The following DLGAP2 variants were observed in gnomAD, a reference collection of about 807,000 sequenced individuals.
The protein encoded by DLGAP2 is DLG associated protein 2.
DLGAP2 carries 26 observed loss-of-function variants against 100.3 expected under a neutral mutation model. That is an observed-to-expected ratio of 0.26 (90% confidence interval 0.19 to 0.36). The LOEUF (loss-of-function observed/expected upper bound fraction) is 0.36, where lower values mean the gene tolerates loss of function less well. DLGAP2 is among the 10% of genes least tolerant of loss of function. DLGAP2 has a pLI of 1.00. For missense variants in DLGAP2, 1,858 were observed against 1,453.2 expected (o/e 1.28, Z -4.53); for synonymous variants, 886 against 630.1 (o/e 1.41, Z -6.08).
At chr8:1,093,560 C>G (rs1219264746) in intron 2 of DLGAP2, among the ~76,000 whole-genome samples, 4 of 149,362 alleles carry the variant, frequency 2.7e-5, no homozygotes, top group Non-Finnish European at 4.4e-5. Flanking sequence ...CAGAAACACC[C>G]TCACACCGAC....
intron 2 of DLGAP2, among the ~76,000 whole-genome samples, chr8:1,203,466 C>T (rs1797925604): frequency 6.6e-6 from 1 of 152,154 alleles, no homozygotes; most frequent in Non-Finnish European, 1.5e-5. Context: ...GAGGCCTCCC[C>T]AAAGTGCCTT....
At position 1,334,342 on chromosome 8, in the gene DLGAP2, C is replaced by T. The variant is rs528557535; in HGVS notation, c.106+75459C>T. On this transcript the variant is annotated intron_variant, in intron 3 of 14. Transcript: ENST00000637795. ...TGTGACCCAGCGTTCCTGGCGTCGG[C>T]CCTCATCCACCTGTCACCAACCCAA... 1.1e-4 allele frequency among the ~76,000 whole-genome samples: 17 copies of T among 152,298 alleles called. No individual in the cohort carries two copies. The South Asian group carries it at 1.9e-3, about 17-fold the overall frequency.
At chr8:851,568 A>G (rs1298266491) in intron 1 of DLGAP2, among the ~76,000 whole-genome samples, 1 of 152,214 alleles carries the variant, frequency 6.6e-6, no homozygotes, top group African/African-American at 2.4e-5. Context: ...TACATTTACA[A>G]ACACCGTTCT....
intron 1 of DLGAP2, among the ~76,000 whole-genome samples, chr8:768,071 C>T (rs1821259912): frequency 6.6e-6 from 1 of 152,132 alleles, no homozygotes. Flanking sequence ...AGTGTTTTCC[C>T]CACTTCCCGT....
intron 2 of DLGAP2, among the ~76,000 whole-genome samples, chr8:1,102,035 A>G (rs1256229720): frequency 6.6e-6 from 1 of 152,070 alleles, no homozygotes; most frequent in Non-Finnish European, 1.5e-5. Flanking sequence ...AGCATATTGT[A>G]TTATAGGGGA....
At chr8:836,463 C>T (rs1270017382) in intron 1 of DLGAP2, among the ~76,000 whole-genome samples, 3 of 152,148 alleles carry the variant, frequency 2.0e-5, no homozygotes, top group Non-Finnish European at 4.4e-5. Flanking sequence ...GGATGGGGTC[C>T]GAGGGCTCCT....
At chr8:1,050,009 T>A (rs751303694) in intron 2 of DLGAP2, among the ~76,000 whole-genome samples, 2 of 152,178 alleles carry the variant, frequency 1.3e-5, no homozygotes, top group African/African-American at 4.8e-5. Flanking sequence ...GGCACATGCA[T>A]ATGTACACAC....
intron 3 of DLGAP2, among the ~76,000 whole-genome samples, chr8:1,351,369 T>C (rs376923367): frequency 4.5e-5 from 2 of 44,680 alleles, no homozygotes; most frequent in African/African-American, 6.7e-5. Context: ...CCTGACTGTG[T>C]GTGGAAAGGC....
chr8:1,601,101 T>C (rs1288398660), intron 6 of DLGAP2, among the ~76,000 whole-genome samples: 1 of 152,228 alleles, frequency 6.6e-6, no homozygotes, highest in East Asian at 1.9e-4. Context: ...ACTTTCTGTT[T>C]GATAGTTTTC....
intron 4 of DLGAP2, among the ~76,000 whole-genome samples, chr8:1,511,858 G>C (rs562634497): frequency 1.3e-5 from 2 of 152,358 alleles, no homozygotes; most frequent in East Asian, 3.9e-4. Flanking sequence ...ATGAGCAAAG[G>C]TGAACCCCAA....
At chr8:1,120,271 G>A (rs1487991626) in intron 2 of DLGAP2, among the ~76,000 whole-genome samples, 2 of 152,082 alleles carry the variant, frequency 1.3e-5, no homozygotes, top group South Asian at 4.2e-4. Flanking sequence ...AGCAGTCAGG[G>A]CCAAGGCCTG....
chr8:1,027,437 G>A (rs1049457410), intron 2 of DLGAP2, among the ~76,000 whole-genome samples: 6 of 149,150 alleles, frequency 4.0e-5, no homozygotes, highest in East Asian at 4.0e-4. Flanking sequence ...CTCCAGGTGC[G>A]GTGCCAGGCG....
intron 2 of DLGAP2, among the ~76,000 whole-genome samples, chr8:953,587 G>T (rs1230211496): frequency 6.6e-6 from 1 of 152,200 alleles, no homozygotes; most frequent in Non-Finnish European, 1.5e-5. Context: ...TAGTGTCTTT[G>T]ATTCTTTTTT....
At chr8:1,477,177 A>C (rs1798958462) in intron 3 of DLGAP2, among the ~76,000 whole-genome samples, 1 of 151,848 alleles carries the variant, frequency 6.6e-6, no homozygotes, top group African/African-American at 2.4e-5. Flanking sequence ...ATGGGAGAGG[A>C]AGTTGCGGGG....
At chr8:1,407,841 C>T (rs1317170198) in intron 3 of DLGAP2, among the ~76,000 whole-genome samples, 2 of 148,450 alleles carry the variant, frequency 1.3e-5, no homozygotes, top group Non-Finnish European at 3.0e-5. Flanking sequence ...TCCTCATCCT[C>T]CGGAGTCGTG....
chr8:1,473,586 C>A (rs553601137), intron 3 of DLGAP2, among the ~76,000 whole-genome samples: 2 of 152,154 alleles, frequency 1.3e-5, no homozygotes, highest in East Asian at 1.9e-4. Context: ...AGGGCTCAAG[C>A]GAGCTTTGGG....
intron 2 of DLGAP2, among the ~76,000 whole-genome samples, chr8:1,200,888 C>T (rs1158163929): frequency 1.3e-5 from 2 of 152,256 alleles, no homozygotes; most frequent in Admixed American, 6.5e-5. Context: ...TGCTGGCTCC[C>T]GTGCTCGGTT....
intron 3 of DLGAP2, among the ~76,000 whole-genome samples, chr8:1,373,380 C>T (rs939037003): frequency 3.3e-5 from 5 of 152,056 alleles, no homozygotes; most frequent in African/African-American, 1.2e-4. Context: ...CAGCGCCAGA[C>T]GCAGAGCCCT....
intron 3 of DLGAP2, among the ~76,000 whole-genome samples, chr8:1,299,341 A>G (rs1364338730): frequency 6.6e-6 from 1 of 152,242 alleles, no homozygotes; most frequent in Admixed American, 6.5e-5. Flanking sequence ...TCTCCACCAT[A>G]CAAGGGAATA....
Sources: gnomAD v4.1 joint callset for allele counts (sites outside exome capture counted in the v4.1 genomes callset) on GRCh38, gnomAD v4.1.1 for gene constraint, MANE v1.5 for transcripts, NCBI Gene and HGNC (gene_info 2026-07-23, HGNC 2026-07-21) for gene names.